The following ST7 variants were observed in gnomAD, a reference collection of about 807,000 sequenced individuals.
ST7 encodes the protein suppression of tumorigenicity 7.
ST7 carries 28 observed loss-of-function variants against 78.7 expected under a neutral mutation model. That is an observed-to-expected ratio of 0.36 (90% CI 0.26 to 0.49). The LOEUF is 0.49. ST7 is among the 20% of genes least tolerant of loss of function. The probability of loss-of-function intolerance (pLI) is 0.99; values close to 1 mark genes in which losing one functional copy is unlikely to be tolerated. For synonymous variants in ST7, 247 were observed against 249.6 expected, an observed-to-expected ratio of 0.99 and a Z score of 0.10; for missense variants, 418 against 696.0, an observed-to-expected ratio of 0.60 and a Z score of 4.49.
intron 1 of ST7, among the ~76,000 whole-genome samples, chr7:116,999,162 AAT>A (rs1794810970): frequency 1.3e-5 from 2 of 152,236 alleles, no homozygotes; most frequent in East Asian, 3.9e-4. Context: ...TTGAGATTGA[AAT>A]ATCTTTCCTT....
In ST7 at chr7:117,110,035, G is replaced by T. The variant is rs1332793386; in HGVS notation, c.235-9526G>T. Reference sequence around the variant, plus strand: ...CCTACCTTAATATTCCTAAATAGAGGCAACTTCAGACTGGGAAAATGCTTG... The same window carrying T: ...CCTACCTTAATATTCCTAAATAGAGTCAACTTCAGACTGGGAAAATGCTTG... On this transcript the variant is annotated intron_variant, in intron 2 of 15. Coordinates refer to ENST00000323984, the MANE Select transcript of ST7 (RefSeq NM_001369598.1). Among the ~76,000 whole-genome samples the T allele has an allele frequency of 2.0e-5, 3 of 152,216 alleles. No homozygotes were observed. The South Asian group carries it at 6.2e-4, about 32-fold the overall frequency.
chr7:117,028,975 G>A (rs767528785), intron 1 of ST7, among the ~76,000 whole-genome samples: 3 of 152,104 alleles, frequency 2.0e-5, no homozygotes, highest in East Asian at 1.9e-4. Context: ...CACTAAAAAC[G>A]TAACTACTAA....
At chr7:117,011,017 G>A (rs576334698) in intron 1 of ST7, among the ~76,000 whole-genome samples, 1 of 152,142 alleles carries the variant, frequency 6.6e-6, no homozygotes, top group Non-Finnish European at 1.5e-5. Flanking sequence ...TGGAAGAATG[G>A]TCTCCTTCAG....
intron 1 of ST7, among the ~76,000 whole-genome samples, chr7:117,058,455 A>T (rs1415282794): frequency 6.6e-6 from 1 of 152,080 alleles, no homozygotes; most frequent in African/African-American, 2.4e-5. Flanking sequence ...TGTTATGGAG[A>T]CTTATTTTTC....
At chr7:117,196,823 T>C (rs1394912670) in intron 12 of ST7, among the ~76,000 whole-genome samples, 2 of 152,050 alleles carry the variant, frequency 1.3e-5, no homozygotes, top group Non-Finnish European at 2.9e-5. Flanking sequence ...TATTTTTGCT[T>C]TTGTTGCTTG....
At chr7:117,005,474 T>C (rs1795118905) in intron 1 of ST7, among the ~76,000 whole-genome samples, 1 of 152,224 alleles carries the variant, frequency 6.6e-6, no homozygotes, top group Admixed American at 6.5e-5. Context: ...TATTGATTAT[T>C]ACTAATGTAA....
chr7:117,058,946 A>G (rs1798204542), intron 1 of ST7, among the ~76,000 whole-genome samples: 1 of 152,216 alleles, frequency 6.6e-6, no homozygotes, highest in South Asian at 2.1e-4. Context: ...CCAGGCGCAG[A>G]AAGAGAAACT....
chr7:117,123,262 T>C (rs754864870), intron 3 of ST7, among the ~76,000 whole-genome samples: 2 of 152,178 alleles, frequency 1.3e-5, no homozygotes, highest in Non-Finnish European at 2.9e-5. Flanking sequence ...GCTCTTTCCT[T>C]AAGGAATAAT....
At chr7:116,965,014 A>G (rs1031942485) in intron 1 of ST7, among the ~76,000 whole-genome samples, 21 of 152,242 alleles carry the variant, frequency 1.4e-4, no homozygotes, top group Non-Finnish European at 7.3e-5. Context: ...AGTTAGAGCA[A>G]AGATATGCAG....
chr7:116,963,878 G>A (rs540668504), intron 1 of ST7, among the ~76,000 whole-genome samples: 22 of 152,126 alleles, frequency 1.4e-4, no homozygotes, highest in African/African-American at 4.6e-4. Flanking sequence ...TGATCCGCCC[G>A]CCTCGGCCTC....
chr7:116,971,559 A>AT (rs1793424121), intron 1 of ST7, among the ~76,000 whole-genome samples: 1 of 152,230 alleles, frequency 6.6e-6, no homozygotes, highest in Non-Finnish European at 1.5e-5. Flanking sequence ...CCAAAGGTAT[A>AT]TTAAAGCTGA....
At chr7:116,972,241 A>C in intron 1 of ST7, 2 of 536,228 alleles carry the variant, frequency 3.7e-6, no homozygotes, top group Admixed American at 4.5e-5. Flanking sequence ...GGTGCATTTG[A>C]GTTTATCTTC....
intron 1 of ST7, among the ~76,000 whole-genome samples, chr7:117,099,464 A>G (rs1801402878): frequency 6.6e-6 from 1 of 152,030 alleles, no homozygotes; most frequent in Admixed American, 6.6e-5. Flanking sequence ...CTTTGATTAA[A>G]CTCTTCCATG....
intron 7 of ST7, among the ~76,000 whole-genome samples, chr7:117,135,292 T>A (rs1000252822): frequency 2.0e-5 from 3 of 152,102 alleles, no homozygotes; most frequent in African/African-American, 7.2e-5. Flanking sequence ...GAAAAGATTA[T>A]ATGAGATGAT....
In ST7 at chr7:117,168,799, G is replaced by A. The variant is rs140910744; in HGVS notation, c.964-2063G>A. Among the ~76,000 whole-genome samples, 529 of 152,246 alleles carry A rather than the reference G, an allele frequency of 3.5e-3. 5 individuals carry two copies. The highest frequency in any genetic ancestry group is 0.012 in the African/African-American group (508 of 41,544). On this transcript the variant is annotated intron_variant, in intron 9 of 15. Coordinates refer to ENST00000323984, the MANE Select transcript of ST7 (RefSeq NM_001369598.1). Reference sequence around the variant, plus strand: ...TTGGCTTTAAAAAACAAAACAATATGGTAAATGTTCCTAATGAAGGAAGAA... The same window carrying A: ...TTGGCTTTAAAAAACAAAACAATATAGTAAATGTTCCTAATGAAGGAAGAA...
chr7:117,216,930 G>A (rs560695308), intron 13 of ST7, among the ~76,000 whole-genome samples: 3 of 152,200 alleles, frequency 2.0e-5, no homozygotes, highest in African/African-American at 4.8e-5. Context: ...GTTGTATTGT[G>A]TCTCTAACCT....
chr7:116,992,229 G>A (rs529125096), intron 1 of ST7, among the ~76,000 whole-genome samples: 40 of 152,348 alleles, frequency 2.6e-4, no homozygotes, highest in African/African-American at 9.6e-4. Context: ...GGGACTCTAT[G>A]TGAGGGCTCT....
intron 1 of ST7, among the ~76,000 whole-genome samples, chr7:117,094,919 A>AT (rs891807270): frequency 6.6e-6 from 1 of 151,616 alleles, no homozygotes; most frequent in African/African-American, 2.4e-5. Flanking sequence ...AATAACTTTT[A>AT]TTTTTTTTCC....
intron 12 of ST7, among the ~76,000 whole-genome samples, chr7:117,200,833 T>A (rs116013992): frequency 0.054 from 2,804 of 52,106 alleles, 26 homozygotes; most frequent in Non-Finnish European, 0.1. Flanking sequence ...TTTTTTTTTT[T>A]TAAAAAAAAA....
Sources: gnomAD v4.1 joint callset for allele counts (sites outside exome capture counted in the v4.1 genomes callset) on GRCh38, gnomAD v4.1.1 for gene constraint, MANE v1.5 for transcripts, NCBI Gene and HGNC (gene_info 2026-07-23, HGNC 2026-07-21) for gene names.